TTC6: variants seen among roughly 807,000 people sequenced by gnomAD.
TTC6 encodes the protein tetratricopeptide repeat domain 6.
Under a neutral mutation model 210.4 loss-of-function variants are expected in TTC6, and 172 were observed. The ratio of observed to expected loss-of-function variants is 0.82; its 90% CI spans 0.72 to 0.93. The LOEUF (loss-of-function observed/expected upper bound fraction) is 0.93, where lower values mean the gene tolerates loss of function less well. Among genes scored for constraint, TTC6 ranks in the 40% least tolerant of loss-of-function variants. TTC6 has a pLI of 0.00. For synonymous variants in TTC6, 804 were observed against 819.6 expected, an observed-to-expected ratio of 0.98 and a Z score of 0.32; for missense variants, 2,414 against 2,318.1, an observed-to-expected ratio of 1.04 and a Z score of -0.85.
exon 25 of TTC6, chr14:37,812,432 A>G (rs1168073399): frequency 6.3e-7 from 1 of 1,595,738 alleles, no homozygotes; most frequent in Admixed American, 1.8e-5. Flanking sequence ...TTTGCACTAG[A>G]GGTAAGCCTT....
chr14:37,727,925 A>G (rs1312322272), intron 7 of TTC6, among the ~76,000 whole-genome samples: 4 of 152,194 alleles, frequency 2.6e-5, no homozygotes, highest in African/African-American at 9.6e-5. Context: ...AGATATCCCA[A>G]TATCTCTCAG....
intron 1 of TTC6, among the ~76,000 whole-genome samples, chr14:37,669,486 G>T (rs778457738): frequency 6.6e-6 from 1 of 152,188 alleles, no homozygotes; most frequent in African/African-American, 2.4e-5. Context: ...TTAAGGAAGT[G>T]CTGCCTTCTA....
exon 18 of TTC6, chr14:37,795,341 A>T: frequency 4.6e-6 from 7 of 1,526,194 alleles, no homozygotes; most frequent in Non-Finnish European, 5.3e-6. Context: ...GAATCCAATT[A>T]TACATAAGAA....
intron 2 of TTC6, among the ~76,000 whole-genome samples, chr14:37,616,731 C>T (rs2095643357): frequency 7.8e-6 from 1 of 128,296 alleles, no homozygotes; most frequent in Admixed American, 8.4e-5. Flanking sequence ...AAGAGTGATA[C>T]TCCATCTCAA....
chr14:37,772,304 G>C (rs2096021793), intron 14 of TTC6: 1 of 154,018 alleles, frequency 6.5e-6, no homozygotes, highest in Admixed American at 6.5e-5. Flanking sequence ...GAGGCAGGCA[G>C]GCCTCCTTGA....
rs2096209747 is a variant in TTC6, at chr14:37,841,434, A to G, written c.5299-11A>G. The G allele has an allele frequency of 6.3e-7, 1 of 1,577,740 alleles. No individual in the cohort carries two copies. The highest frequency in any genetic ancestry group is 8.6e-7 in the Non-Finnish European group (1 of 1,167,978). ...CCAATTAAAATATATCATTATCTTC[A>G]TATTTTGTAGGCCAGTGACTACTTC... On this transcript the variant is annotated splice_polypyrimidine_tract_variant and intron_variant, in intron 29 of 30. Coordinates refer to ENST00000553443, the Ensembl canonical transcript of TTC6.
chr14:37,659,174 C>T (rs177881), intron 1 of TTC6, among the ~76,000 whole-genome samples: 2 of 152,048 alleles, frequency 1.3e-5, no homozygotes, highest in Non-Finnish European at 1.5e-5. Context: ...TCTTTATTCA[C>T]TCTACCATTG....
chr14:37,740,061 G>T (rs1415099277), intron 10 of TTC6, among the ~76,000 whole-genome samples: 1 of 151,776 alleles, frequency 6.6e-6, no homozygotes, highest in Non-Finnish European at 1.5e-5. Flanking sequence ...CTGTTCGGGA[G>T]GCTGAGGCAG....
exon 10 of TTC6, chr14:37,739,154 A>G (rs1257500326): frequency 6.7e-7 from 1 of 1,495,806 alleles, no homozygotes; most frequent in Admixed American, 2.5e-5. Context: ...ATCTCTTGAA[A>G]GGTCTTGTTT....
At chr14:37,829,313 C>A (rs564605559) in intron 29 of TTC6, among the ~76,000 whole-genome samples, 1 of 151,962 alleles carries the variant, frequency 6.6e-6, no homozygotes, top group Admixed American at 6.6e-5. Flanking sequence ...TTATGTAATG[C>A]AAGTGTGTTT....
chr14:37,605,525 G>A, intron 1 of TTC6, among the ~76,000 whole-genome samples: 1 of 152,198 alleles, frequency 6.6e-6, no homozygotes, highest in East Asian at 1.9e-4. Context: ...AGTGATCTCT[G>A]GCTAAATGCA....
exon 14 of TTC6, chr14:37,753,172 G>C: frequency 1.3e-6 from 2 of 1,535,286 alleles, no homozygotes; most frequent in Non-Finnish European, 8.7e-7. Flanking sequence ...AATGAAAACT[G>C]GTTTGCAGCC....
chr14:37,678,032 T>C (rs1036635962), intron 1 of TTC6, among the ~76,000 whole-genome samples: 1 of 152,180 alleles, frequency 6.6e-6, no homozygotes, highest in African/African-American at 2.4e-5. Flanking sequence ...TCTTCCTGGT[T>C]ATGTATCATA....
chr14:37,693,630 A>G (rs1043282220), intron 3 of TTC6, among the ~76,000 whole-genome samples: 6 of 152,010 alleles, frequency 3.9e-5, no homozygotes, highest in African/African-American at 9.7e-5. Flanking sequence ...CAAAAAACAA[A>G]CCCCAAACAA....
At chr14:37,668,008 A>G (rs1222064729) in intron 1 of TTC6, among the ~76,000 whole-genome samples, 4 of 149,808 alleles carry the variant, frequency 2.7e-5, no homozygotes, top group African/African-American at 4.9e-5. Flanking sequence ...GATGGTACAC[A>G]CCTGTAGTCC....
At chr14:37,817,983 G>C (rs1041240868) in intron 26 of TTC6, among the ~76,000 whole-genome samples, 2 of 152,122 alleles carry the variant, frequency 1.3e-5, no homozygotes, top group Non-Finnish European at 1.5e-5. Flanking sequence ...ATTATGCATA[G>C]CTCGAAATAT....
chr14:37,805,202 T>C (rs1158873130), intron 21 of TTC6, among the ~76,000 whole-genome samples: 3 of 152,248 alleles, frequency 2.0e-5, no homozygotes, highest in African/African-American at 4.8e-5. Flanking sequence ...CTGGCTTTTG[T>C]TATTGATCAT....
chr14:37,823,901 C>T (rs2096164110), exon 27 of TTC6: 1 of 1,613,910 alleles, frequency 6.2e-7, no homozygotes, highest in African/African-American at 1.3e-5. Context: ...TCTGAAAGCA[C>T]TGCATATTAA....
chr14:37,641,873 A>T (rs1169002228), intron 1 of TTC6, among the ~76,000 whole-genome samples: 1 of 152,150 alleles, frequency 6.6e-6, no homozygotes, highest in Non-Finnish European at 1.5e-5. Context: ...CAAAACTGAG[A>T]CCCAGTGAGG....
Sources: gnomAD v4.1 joint callset for allele counts (sites outside exome capture counted in the v4.1 genomes callset) on GRCh38, gnomAD v4.1.1 for gene constraint, MANE v1.5 for transcripts, NCBI Gene and HGNC (gene_info 2026-07-23, HGNC 2026-07-21) for gene names.